Variants in CACNA1C observed in about 807,000 individuals in gnomAD.
CACNA1C encodes the protein voltage-dependent L-type calcium channel subunit alpha-1C.
In CACNA1C, 30 loss-of-function variants were observed where a neutral mutation model predicts 229.0. That is an observed-to-expected ratio of 0.13 (90% CI 0.10 to 0.18). The LOEUF is 0.18. Among genes scored for constraint, CACNA1C ranks in the 10% least tolerant of loss-of-function variants. CACNA1C has a pLI of 1.00. For synonymous variants in CACNA1C, 1,114 were observed against 1,132.5 expected (o/e 0.98, Z 0.33); for missense variants, 1,658 against 2,845.0 (o/e 0.58, Z 9.49).
intron 3 of CACNA1C, among the ~76,000 whole-genome samples, chr12:2,241,803 T>C (rs1195698408): frequency 6.6e-6 from 1 of 152,252 alleles, no homozygotes; most frequent in African/African-American, 2.4e-5. Flanking sequence ...TTTTGTTATG[T>C]TTGATCCCCT....
chr12:2,389,328 C>A (rs1250450852), intron 3 of CACNA1C, among the ~76,000 whole-genome samples: 2 of 151,966 alleles, frequency 1.3e-5, no homozygotes, highest in African/African-American at 2.4e-5. Flanking sequence ...GCACACTGTG[C>A]CAAGCAGTGG....
intron 3 of CACNA1C, among the ~76,000 whole-genome samples, chr12:2,260,536 G>A (rs2079717527): frequency 6.6e-6 from 1 of 150,844 alleles, no homozygotes; most frequent in African/African-American, 2.4e-5. Flanking sequence ...AGAAAGAAGA[G>A]AGAAAAGGAG....
At chr12:2,483,091 TAAG>T (rs987781393) in intron 5 of CACNA1C, among the ~76,000 whole-genome samples, 4 of 152,136 alleles carry the variant, frequency 2.6e-5, no homozygotes, top group East Asian at 3.9e-4. Context: ...GACACAAAGA[TAAG>T]AAGATGTGAT....
At chr12:2,008,432 C>T (rs373057691) in intron 1 of CACNA1C, among the ~76,000 whole-genome samples, 1 of 151,992 alleles carries the variant, frequency 6.6e-6, no homozygotes, top group African/African-American at 2.4e-5. Context: ...GGTCTCACTA[C>T]GTTGCTCAGG....
At chr12:2,394,109 CAA>C (rs60498219) in intron 3 of CACNA1C, among the ~76,000 whole-genome samples, 13,054 of 113,214 alleles carry the variant, frequency 0.12, 626 homozygotes, top group Middle Eastern at 0.17. Flanking sequence ...TGTCTCTAAA[CAA>C]AAAAAAAAAA....
intron 13 of CACNA1C, among the ~76,000 whole-genome samples, chr12:2,578,870 C>T (rs923735661): frequency 1.3e-4 from 20 of 152,118 alleles, no homozygotes; most frequent in African/African-American, 2.9e-4. Context: ...TCCCTGCCCA[C>T]GTCCTTGCCT....
At chr12:2,136,020 T>C (rs551637658) in intron 3 of CACNA1C, among the ~76,000 whole-genome samples, 15 of 150,798 alleles carry the variant, frequency 9.9e-5, no homozygotes, top group South Asian at 2.1e-4. Context: ...TGCGCCGTTT[T>C]TTAAGCCGGT....
chr12:2,513,561 T>C (rs1345282110), intron 9 of CACNA1C, among the ~76,000 whole-genome samples: 2 of 152,234 alleles, frequency 1.3e-5, no homozygotes, highest in East Asian at 1.9e-4. Context: ...GTGATGGAAG[T>C]TGAGCCAATT....
intron 1 of CACNA1C, among the ~76,000 whole-genome samples, chr12:2,040,805 C>A (rs1184864704): frequency 6.6e-6 from 1 of 152,200 alleles, no homozygotes. Context: ...TTTTCCTTGA[C>A]AAGCTTTTTC....
intron 1 of CACNA1C, among the ~76,000 whole-genome samples, chr12:2,074,750 G>T (rs1368138829): frequency 6.6e-6 from 1 of 152,144 alleles, no homozygotes; most frequent in Non-Finnish European, 1.5e-5. Context: ...GGAAAATTTT[G>T]TTTGGAAATG....
intron 3 of CACNA1C, among the ~76,000 whole-genome samples, chr12:2,277,409 AC>A (rs1418522820): frequency 7.0e-6 from 1 of 142,318 alleles, no homozygotes; most frequent in African/African-American, 2.7e-5. Flanking sequence ...ACACACACAC[AC>A]ACACACACAC....
At chr12:2,264,591 C>T (rs781634596) in intron 3 of CACNA1C, among the ~76,000 whole-genome samples, 4 of 152,172 alleles carry the variant, frequency 2.6e-5, no homozygotes, top group Non-Finnish European at 4.4e-5. Context: ...GCTGTGTGCT[C>T]GTGGTTCCTC....
chr12:2,265,092 A>G (rs186041712), intron 3 of CACNA1C, among the ~76,000 whole-genome samples: 84 of 152,338 alleles, frequency 5.5e-4, no homozygotes, highest in East Asian at 3.7e-3. Context: ...GAATTAAGCA[A>G]CAATACCAGG....
In CACNA1C at chr12:2,688,772, T is replaced by C; in HGVS notation, c.6110T>C (p.Val2037Ala). The C allele has an allele frequency of 2.6e-6, 4 of 1,536,614 alleles. No homozygotes were observed. The highest frequency in any genetic ancestry group is 3.5e-6 in the Non-Finnish European group (4 of 1,142,776). Residue 2037 changes from valine (V) to alanine (A), a missense_variant, in exon 46 of 47, where the codon GTG becomes GCG. Val to Ala is a moderately conservative substitution (Grantham distance 64). This residue lies in a region of CACNA1C where 590 missense variants were observed against 700.8 expected (regional missense o/e 0.84). Coordinates refer to ENST00000399655, the MANE Select transcript of CACNA1C (RefSeq NM_000719.7). Reference protein sequence around the residue: ...RQFHGSASSLVEAVLISEGLG... With the variant: ...RQFHGSASSLAEAVLISEGLG... ...TTCCACGGCAGTGCCAGCAGCCTGG[T>C]GGAAGCGGTAGGTGACTCGCAGATG...
Position 2,617,967 on chromosome 12 carries a change from G to A in CACNA1C, c.3828+5954G>A, listed in dbSNP as rs541144702. ...AGCATCTGGCCTCTTTGGGCAAATAGCTTTCGTCACATGACCCGAAGATAC... is the reference window on the plus strand; with the variant it reads ...AGCATCTGGCCTCTTTGGGCAAATAACTTTCGTCACATGACCCGAAGATAC... On this transcript the variant is annotated intron_variant, in intron 29 of 46. Transcript: ENST00000399655. Among the ~76,000 whole-genome samples, 25 of 152,356 alleles carry A rather than the reference G, an allele frequency of 1.6e-4. 1 individual carries two copies. In the South Asian group the frequency reaches 5.2e-3, roughly 32 times the overall value.
chr12:2,663,088 G>A (rs113167414), intron 34 of CACNA1C, among the ~76,000 whole-genome samples: 5,410 of 152,190 alleles, frequency 0.036, 282 homozygotes, highest in African/African-American at 0.12. Context: ...TTTTTTAAAC[G>A]TGATGCAAAA....
chr12:2,195,091 G>C (rs541375055), intron 3 of CACNA1C, among the ~76,000 whole-genome samples: 4 of 152,354 alleles, frequency 2.6e-5, no homozygotes, highest in African/African-American at 4.8e-5. Context: ...GTGTGTGTGT[G>C]TATTTAAATC....
intron 3 of CACNA1C, chr12:2,223,338 T>C (rs577799890): frequency 6.6e-5 from 10 of 152,306 alleles, no homozygotes; most frequent in Admixed American, 2.0e-4. Context: ...CCCAGCTCCA[T>C]TGAGGTGTAG....
intron 3 of CACNA1C, among the ~76,000 whole-genome samples, chr12:2,175,351 G>C (rs1394507712): frequency 2.0e-5 from 3 of 152,110 alleles, no homozygotes; most frequent in Non-Finnish European, 4.4e-5. Flanking sequence ...TCATTTGTTT[G>C]TTGAAGAAAC....
Sources: allele counts gnomAD v4.1 joint callset (sites outside exome capture counted in the v4.1 genomes callset), GRCh38; gene constraint gnomAD v4.1.1; regional missense constraint gnomAD v4.1.1; transcripts MANE v1.5; gene names NCBI Gene and HGNC (gene_info 2026-07-23, HGNC 2026-07-21).